Variants in CEP85L observed in about 807,000 individuals in gnomAD.
CEP85L encodes the protein centrosomal protein 85L.
In CEP85L, 60 loss-of-function variants were observed where a neutral mutation model predicts 100.3. That is an observed-to-expected ratio of 0.60 (90% CI 0.49 to 0.74). The LOEUF is 0.74. Among genes scored for constraint, CEP85L ranks in the 30% least tolerant of loss-of-function variants. CEP85L has a pLI of 0.00. For missense variants in CEP85L, 973 were observed against 936.2 expected, an observed-to-expected ratio of 1.04 and a Z score of -0.51; for synonymous variants, 319 against 322.7, an observed-to-expected ratio of 0.99 and a Z score of 0.12.
At position 118,651,199 on chromosome 6, in the gene CEP85L, G is replaced by A. The variant is rs1374599690; in HGVS notation, c.71C>T (p.Ala24Val). Reference protein sequence around the residue: ...DSPGGARSFPAGPDYSSAWLP... With the variant: ...DSPGGARSFPVGPDYSSAWLP... ...CGGGGCGCTGTCCCGTTCCTTACCG[G>A]CAGGGAAGCTGCGGGCTCCGCCGGG... Residue 24 changes from alanine (A) to valine (V), a missense_variant and splice_region_variant, in exon 1 of 13, where the codon GCC becomes GTC. Coordinates refer to ENST00000368491, the MANE Select transcript of CEP85L (RefSeq NM_001042475.3). 6.7e-7 allele frequency: 1 copy of A among 1,495,394 alleles called. No individual in the cohort carries two copies. Among genetic ancestry groups the A allele is most frequent in the Non-Finnish European group, 8.9e-7 (1 of 1,129,222 alleles). The allele number at this position is 1,495,394 out of a possible 1,614,324, so 92.6% of individuals were successfully genotyped here.
At chr6:118,510,747 A>G (rs1455410023) in intron 5 of CEP85L, among the ~76,000 whole-genome samples, 2 of 152,188 alleles carry the variant, frequency 1.3e-5, no homozygotes, top group African/African-American at 4.8e-5. Context: ...TGAGCAAAAC[A>G]GTATTTATAA....
At chr6:118,620,984 A>G (rs1227322881) in intron 2 of CEP85L, among the ~76,000 whole-genome samples, 7 of 152,146 alleles carry the variant, frequency 4.6e-5, no homozygotes, top group Non-Finnish European at 1.0e-4. Flanking sequence ...CCCTTACTTG[A>G]GGAGGGAATC....
rs748703846 is a variant in CEP85L, at chr6:118,483,887, T to C, written c.1438-29A>G. 1.1e-4 allele frequency: 174 copies of C among 1,596,040 alleles called. 1 individual carries two copies. The East Asian group carries it at 3.6e-3, about 33-fold the overall frequency. On this transcript the variant is annotated intron_variant, in intron 6 of 12. Coordinates refer to ENST00000368491, the MANE Select transcript of CEP85L (RefSeq NM_001042475.3). ...AAAGCAAACAATTATGAACCTTCAG[T>C]AGTTTTCAGTCATTAAAAGATATAA... is the stretch of plus-strand genomic sequence containing the variant.
At chr6:118,496,356 T>TTTTTATTTTATTTTATTTTCTTTTA (rs1774921229) in intron 5 of CEP85L, among the ~76,000 whole-genome samples, 1 of 139,460 alleles carries the variant, frequency 7.2e-6, no homozygotes, top group Non-Finnish European at 1.5e-5. Context: ...TATTTTATAT[T>TTTTTATTTTATTTTATTTTCTTTTA]TTTTATTTTA....
intron 3 of CEP85L, chr6:118,560,826 G>C (rs551011651): frequency 1.6e-4 from 24 of 153,468 alleles, no homozygotes; most frequent in African/African-American, 5.8e-4. Context: ...ACCAAACTTT[G>C]GTAATTTAAG....
At chr6:118,500,807 A>G (rs1210164999) in intron 5 of CEP85L, among the ~76,000 whole-genome samples, 4 of 152,166 alleles carry the variant, frequency 2.6e-5, no homozygotes, top group African/African-American at 7.2e-5. Flanking sequence ...ACAGAGCAAT[A>G]CCCTGTCTCA....
chr6:118,630,520 C>T (rs1391307116), intron 2 of CEP85L, among the ~76,000 whole-genome samples: 4 of 152,188 alleles, frequency 2.6e-5, no homozygotes, highest in African/African-American at 4.8e-5. Context: ...ATTGCCAAAA[C>T]CTGGAAACAA....
At chr6:118,557,548 C>G (rs146050470) in intron 3 of CEP85L, among the ~76,000 whole-genome samples, 2,445 of 152,264 alleles carry the variant, frequency 0.016, 32 homozygotes, top group Non-Finnish European at 0.027. Context: ...ATTAGGTTCA[C>G]TGGCATGTTT....
chr6:118,496,858 G>T, intron 5 of CEP85L, among the ~76,000 whole-genome samples: 1 of 152,172 alleles, frequency 6.6e-6, no homozygotes, highest in East Asian at 1.9e-4. Flanking sequence ...GAATGACAAC[G>T]GTGTTCAAGT....
chr6:118,672,022 G>GT (rs1776321017), intron 1 of CEP85L, among the ~76,000 whole-genome samples: 1 of 152,054 alleles, frequency 6.6e-6, no homozygotes, highest in Admixed American at 6.6e-5. Flanking sequence ...ATAATTTGAC[G>GT]TATTATTCTC....
intron 1 of CEP85L, among the ~76,000 whole-genome samples, chr6:118,637,404 A>C (rs1677638412): frequency 6.6e-6 from 1 of 152,044 alleles, no homozygotes; most frequent in Admixed American, 6.6e-5. Flanking sequence ...TAAATCATCA[A>C]ATTGTTGTCT....
chr6:118,651,561 C>G lies in CEP85L; in HGVS notation c.-292G>C. On this transcript the variant is annotated 5_prime_UTR_variant, in exon 1 of 13. Transcript: ENST00000368491. Reference sequence around the variant, plus strand: ...CCCCGGCTGAGCCCAGGCTCAAAGGCTCCAGGCGAAGTTGCAGCTGCGGGT... The same window carrying G: ...CCCCGGCTGAGCCCAGGCTCAAAGGGTCCAGGCGAAGTTGCAGCTGCGGGT... 1 of 1,195,796 alleles carries G rather than the reference C, an allele frequency of 8.4e-7. No individual in the cohort carries two copies. The highest frequency in any genetic ancestry group is 1.0e-6 in the Non-Finnish European group (1 of 963,616). The allele number at this position is 1,195,796 out of a possible 1,614,324, so 74.1% of individuals were successfully genotyped here.
chr6:118,576,950 T>C (rs1780274117), intron 2 of CEP85L, among the ~76,000 whole-genome samples: 1 of 152,154 alleles, frequency 6.6e-6, no homozygotes, highest in South Asian at 2.1e-4. Flanking sequence ...AAACCCAAAC[T>C]GTCCCCTTTC....
chr6:118,511,342 C>T lies in CEP85L; in HGVS notation c.1213G>A (p.Gly405Arg). Residue 405 changes from glycine (G) to arginine (R), a missense_variant, in exon 5 of 13, where the codon GGA becomes AGA. Physicochemically the swap from Gly to Arg is moderately radical, Grantham distance 125 (BLOSUM62 -2). This residue lies in a region of CEP85L where 890 missense variants were observed against 844.5 expected (regional missense o/e 1.05). Coordinates refer to ENST00000368491, the MANE Select transcript of CEP85L (RefSeq NM_001042475.3). ...GAATCCTCACAATTTACATAATGTCCTAACATGGCATGTTGAGCCCGTAAT... is the reference window on the plus strand; with the variant it reads ...GAATCCTCACAATTTACATAATGTCTTAACATGGCATGTTGAGCCCGTAAT... ...NELRAQHAML[G>R]HYVNCEDSYV... is the part of the protein sequence containing the mutation. The T allele has an allele frequency of 6.2e-7, 1 of 1,613,170 alleles. No individual in the cohort carries two copies. The highest frequency in any genetic ancestry group is 8.5e-7 in the Non-Finnish European group (1 of 1,179,404).
intron 2 of CEP85L, among the ~76,000 whole-genome samples, chr6:118,619,526 C>T (rs2115269082): frequency 6.6e-6 from 1 of 152,250 alleles, no homozygotes; most frequent in South Asian, 2.1e-4. Flanking sequence ...CCACTCTCTT[C>T]CCTCACTGAC....
intron 3 of CEP85L, among the ~76,000 whole-genome samples, chr6:118,562,312 ATT>A (rs1464580403): frequency 6.6e-6 from 1 of 152,182 alleles, no homozygotes; most frequent in Non-Finnish European, 1.5e-5. Context: ...TTTCATTATT[ATT>A]TCATGTTAGA....
At chr6:118,667,610 A>T (rs1776172031) in intron 1 of CEP85L, among the ~76,000 whole-genome samples, 1 of 152,204 alleles carries the variant, frequency 6.6e-6, no homozygotes, top group South Asian at 2.1e-4. Flanking sequence ...TTCATTTAGG[A>T]AGAAGAAAAA....
intron 3 of CEP85L, among the ~76,000 whole-genome samples, chr6:118,550,378 ATAT>A (rs947304446): frequency 2.0e-5 from 3 of 151,836 alleles, no homozygotes; most frequent in Non-Finnish European, 4.4e-5. Context: ...ATTATGTAAT[ATAT>A]TAAATTTTTA....
intron 2 of CEP85L, among the ~76,000 whole-genome samples, chr6:118,577,117 G>A (rs1442000962): frequency 4.6e-5 from 7 of 152,062 alleles, no homozygotes; most frequent in African/African-American, 7.2e-5. Flanking sequence ...ATCCAACCCC[G>A]TACTACAAAT....
Sources: allele counts gnomAD v4.1 joint callset (sites outside exome capture counted in the v4.1 genomes callset), GRCh38; gene constraint gnomAD v4.1.1; regional missense constraint gnomAD v4.1.1; transcripts MANE v1.5; gene names NCBI Gene and HGNC (gene_info 2026-07-23, HGNC 2026-07-21).